Variants in PCDHA8 observed in about 807,000 individuals in gnomAD.
PCDHA8 encodes protocadherin alpha-8.
In PCDHA8, 53 loss-of-function variants were observed where a neutral mutation model predicts 61.8. That is an observed-to-expected ratio of 0.86 (90% CI 0.69 to 1.08). The LOEUF is 1.08. PCDHA8 is among the 50% of genes least tolerant of loss of function. The pLI is 0.00. For synonymous variants in PCDHA8, 618 were observed against 556.6 expected (o/e 1.11, Z -1.55); for missense variants, 1,293 against 1,245.0 (o/e 1.04, Z -0.58).
intron 1 of PCDHA8, among the ~76,000 whole-genome samples, chr5:140,962,930 C>T (rs2095720492): frequency 6.6e-6 from 1 of 152,144 alleles, no homozygotes; most frequent in Admixed American, 6.5e-5. Context: ...TACTTCTCAA[C>T]CTCCTCTCCA....
intron 1 of PCDHA8, chr5:140,869,751 C>T (rs1562632987): frequency 1.2e-6 from 2 of 1,613,134 alleles, no homozygotes; most frequent in Non-Finnish European, 1.7e-6. Context: ...CAGCTACAGA[C>T]GGGGGAAAAC....
intron 1 of PCDHA8, chr5:140,969,220 G>A (rs2096308533): frequency 6.2e-7 from 1 of 1,614,084 alleles, no homozygotes; most frequent in African/African-American, 1.3e-5. Flanking sequence ...CAGGACCAGG[G>A]CCTTCGGGAG....
At chr5:140,957,397 A>C (rs553656426) in intron 1 of PCDHA8, among the ~76,000 whole-genome samples, 1 of 152,282 alleles carries the variant, frequency 6.6e-6, no homozygotes, top group South Asian at 2.1e-4. Context: ...AATTGTCCTA[A>C]TTTATTATTA....
In PCDHA8 at chr5:140,852,924, G is replaced by T. The variant is rs1007993116; in HGVS notation, c.2394+9209G>T. On this transcript the variant is annotated intron_variant, in intron 1 of 3. Transcript: ENST00000531613. The stretch of plus-strand genomic sequence containing the variant: ...GTCAGAGTCTCGCTCTGTTGCCCAG[G>T]CTGGAGTGCAGTGGTGCCATCTTGG... 2.1e-5 allele frequency: 15 copies of T among 707,860 alleles called. 2 individuals are homozygous for T. In the African/African-American group the frequency reaches 2.9e-4, roughly 14 times the overall value. The allele number at this position is 707,860 out of a possible 1,614,324, so 43.8% of individuals were successfully genotyped here.
chr5:140,843,313 G>C lies in PCDHA8; in HGVS notation c.1992G>C (p.Thr664=), dbSNP rs1554139942. The C allele has an allele frequency of 8.8e-6, 14 of 1,596,074 alleles. No individual in the cohort carries two copies. The highest frequency in any genetic ancestry group is 1.1e-5 in the Non-Finnish European group (13 of 1,165,580). ...HGEPALTATA[T]VLVSLVESGQ... is the part of the protein sequence containing the mutation. The stretch of plus-strand genomic sequence containing the variant: ...AACCTGCGCTGACCGCCACGGCCAC[G>C]GTTCTGGTGTCGCTGGTGGAGAGCG... Residue 664 remains threonine, a synonymous_variant, in exon 1 of 4, where the codon ACG becomes ACC. Transcript: ENST00000531613.
chr5:140,859,927 A>G (rs1296278263), intron 1 of PCDHA8: 2 of 152,054 alleles, frequency 1.3e-5, no homozygotes, highest in African/African-American at 2.4e-5. Context: ...AGTAATATAA[A>G]AAACTTAGTA....
Position 140,843,305 on chromosome 5 carries a change from A to C in PCDHA8, c.1984A>C (p.Thr662Pro), listed in dbSNP as rs2150356964. Residue 662 changes from threonine to proline, a missense_variant, in exon 1 of 4, where the codon ACG (threonine) becomes CCG (proline). By Grantham distance (38) the Thr-to-Pro change is conservative. Coordinates refer to ENST00000531613, the MANE Select transcript of PCDHA8 (RefSeq NM_018911.3). ...KDHGEPALTA[T>P]ATVLVSLVES... The stretch of plus-strand genomic sequence containing the variant: ...TCATGGTGAACCTGCGCTGACCGCC[A>C]CGGCCACGGTTCTGGTGTCGCTGGT... 5.6e-6 allele frequency: 9 copies of C among 1,595,822 alleles called. No homozygotes were observed. The highest frequency in any genetic ancestry group is 7.7e-6 in the Non-Finnish European group (9 of 1,165,556).
chr5:140,880,066 C>T (rs1582502313), intron 1 of PCDHA8, among the ~76,000 whole-genome samples: 1 of 152,176 alleles, frequency 6.6e-6, no homozygotes, highest in East Asian at 1.9e-4. Flanking sequence ...TTTTTGGGGA[C>T]CACAATTCAA....
At chr5:140,848,598 G>A (rs2150413954) in intron 1 of PCDHA8, 3 of 1,593,830 alleles carry the variant, frequency 1.9e-6, no homozygotes, top group East Asian at 2.2e-5. Flanking sequence ...CCACTACTCC[G>A]TCCCGGAGGA....
intron 1 of PCDHA8, among the ~76,000 whole-genome samples, chr5:140,944,240 T>C (rs374307364): frequency 2.1e-4 from 32 of 152,316 alleles, no homozygotes; most frequent in African/African-American, 7.5e-4. Flanking sequence ...CAGGCTGGAG[T>C]GCAGTGATGT....
chr5:140,920,570 G>A (rs2153557888), intron 1 of PCDHA8, among the ~76,000 whole-genome samples: 1 of 152,186 alleles, frequency 6.6e-6, no homozygotes, highest in Non-Finnish European at 1.5e-5. Flanking sequence ...CTTAGGCCAG[G>A]AGCAGTGGCT....
chr5:140,915,684 G>T (rs576904848), intron 1 of PCDHA8, among the ~76,000 whole-genome samples: 5 of 151,572 alleles, frequency 3.3e-5, no homozygotes, highest in South Asian at 4.2e-4. Context: ...TGAACTAGGG[G>T]TATGGTGATG....
At position 140,909,867 on chromosome 5, in the gene PCDHA8, C is replaced by T. The variant is rs544055697; in HGVS notation, c.2394+66152C>T. Among the ~76,000 whole-genome samples the T allele has an allele frequency of 2.8e-4, 43 of 152,282 alleles. 1 individual carries two copies. The highest frequency in any genetic ancestry group is 4.9e-4 in the Non-Finnish European group (33 of 68,020). On this transcript the variant is annotated intron_variant, in intron 1 of 3. Coordinates refer to ENST00000531613, the MANE Select transcript of PCDHA8 (RefSeq NM_018911.3). ...GACGTTTTCGGTCCCCTGGAGTCAA[C>T]GTCAGCTTAGAGACACTGTTCAGTA...
chr5:140,905,154 A>C (rs2071632233), intron 1 of PCDHA8, among the ~76,000 whole-genome samples: 1 of 152,040 alleles, frequency 6.6e-6, no homozygotes, highest in Admixed American at 6.6e-5. Context: ...ATATTTTAGA[A>C]TTTTCATGGT....
intron 3 of PCDHA8, 65 bp downstream of exon 3, chr5:140,982,628 G>T: frequency 6.3e-7 from 1 of 1,578,118 alleles, no homozygotes; most frequent in Non-Finnish European, 8.6e-7. Flanking sequence ...ACCTACTTTT[G>T]TAAGATCAGG....
chr5:140,853,024 G>T, intron 1 of PCDHA8: 1 of 260,054 alleles, frequency 3.8e-6, no homozygotes, highest in Non-Finnish European at 6.3e-6. Context: ...GACTACAGGC[G>T]CCTGCCACCA....
At chr5:140,880,944 G>A (rs1256173059) in intron 1 of PCDHA8, among the ~76,000 whole-genome samples, 2 of 152,198 alleles carry the variant, frequency 1.3e-5, no homozygotes, top group African/African-American at 4.8e-5. Context: ...AATGGAGCAG[G>A]AGAGGATGAT....
rs1554217734 is a variant in PCDHA8, at chr5:140,946,611, A to AATATATATATATATAT, written c.2395-32332_2395-32317dup. Among the ~76,000 whole-genome samples, 269 of 86,770 alleles carry AATATATATATATATAT rather than the reference A, an allele frequency of 3.1e-3. 3 individuals carry two copies. The highest frequency in any genetic ancestry group is 0.011 in the Middle Eastern group (2 of 186). 56.9% of individuals were successfully genotyped at this position (86,770 alleles called of 152,430 possible). A position where few individuals can be genotyped will look rare whatever the true frequency, so the allele number is the denominator to read the frequency against. On this transcript the variant is annotated intron_variant, in intron 1 of 3. Coordinates refer to ENST00000531613, the MANE Select transcript of PCDHA8 (RefSeq NM_018911.3). ...GGATGAATAGATAAAGAAAATGTGAAATATATATATATATATATATACAAT... is the reference window on the plus strand; with the variant it reads ...GGATGAATAGATAAAGAAAATGTGAAATATATATATATATATATATATATATATATATATATACAAT...
intron 1 of PCDHA8, among the ~76,000 whole-genome samples, chr5:140,942,586 A>C (rs559683622): frequency 1.3e-5 from 2 of 150,518 alleles, no homozygotes; most frequent in African/African-American, 4.9e-5. Context: ...ATAGGATGTC[A>C]CATATAATTA....
Sources: allele counts gnomAD v4.1 joint callset (sites outside exome capture counted in the v4.1 genomes callset), GRCh38; gene constraint gnomAD v4.1.1; transcripts MANE v1.5; gene names NCBI Gene and HGNC (gene_info 2026-07-23, HGNC 2026-07-21).